Variants in NTM observed in about 807,000 individuals in gnomAD.
NTM encodes IgLON family member 2.
NTM carries 13 observed loss-of-function variants against 42.1 expected under a neutral mutation model. The observed-to-expected ratio is 0.31, with a 90% CI of 0.20 to 0.49. NTM has a LOEUF of 0.49. NTM is among the 20% of genes least tolerant of loss of function. The pLI is 0.99. For synonymous variants in NTM, 187 were observed against 179.2 expected, an observed-to-expected ratio of 1.04 and a Z score of -0.35; for missense variants, 373 against 452.8, an observed-to-expected ratio of 0.82 and a Z score of 1.60.
intron 2 of NTM, among the ~76,000 whole-genome samples, chr11:132,088,354 C>T (rs2059991563): frequency 6.6e-6 from 1 of 152,124 alleles, no homozygotes; most frequent in Non-Finnish European, 1.5e-5. Flanking sequence ...ACTTACCCTT[C>T]CTCATGTCCC....
At chr11:132,070,525 A>G (rs1313490878) in intron 2 of NTM, among the ~76,000 whole-genome samples, 7 of 121,002 alleles carry the variant, frequency 5.8e-5, no homozygotes, top group African/African-American at 9.6e-5. Flanking sequence ...CACACAGCCA[A>G]GTTAACACGT....
chr11:131,680,547 G>C (rs1404444743), intron 1 of NTM, among the ~76,000 whole-genome samples: 417 of 142,032 alleles, frequency 2.9e-3, no homozygotes, highest in African/African-American at 0.011. Flanking sequence ...GTCTGTGAGT[G>C]CCTGTGTGTG....
chr11:131,969,602 G>A (rs1438144482), intron 2 of NTM, among the ~76,000 whole-genome samples: 3 of 152,156 alleles, frequency 2.0e-5, no homozygotes, highest in African/African-American at 7.2e-5. Context: ...GGGTTTCATA[G>A]TTTGGGGTTT....
rs2091472553 is a variant in NTM, at chr11:131,795,669, T to A, written c.83-115895T>A. The stretch of plus-strand genomic sequence containing the variant: ...CCAGTACAGTGCCAGTGCCCATAAG[T>A]TCAGGGCGAACAGCAGATATTTACG... On this transcript the variant is annotated intron_variant, in intron 1 of 8. Coordinates refer to ENST00000683400, the MANE Select transcript of NTM (RefSeq NM_001352005.2). 8.1e-6 allele frequency: 8 copies of A among 985,232 alleles called. No homozygotes were observed. The South Asian group carries it at 1.9e-4, about 23-fold the overall frequency. 61.0% of individuals were successfully genotyped at this position (985,232 alleles called of 1,614,324 possible).
chr11:131,482,239 C>T (rs1953680999), intron 1 of NTM, among the ~76,000 whole-genome samples: 1 of 152,190 alleles, frequency 6.6e-6, no homozygotes, highest in African/African-American at 2.4e-5. Flanking sequence ...TTGCCACTCC[C>T]CCAGACAATG....
At chr11:131,442,813 G>T (rs1017482047) in intron 1 of NTM, among the ~76,000 whole-genome samples, 5 of 151,538 alleles carry the variant, frequency 3.3e-5, no homozygotes, top group African/African-American at 1.2e-4. Flanking sequence ...ATATATATGT[G>T]TGTGTATATA....
intron 1 of NTM, among the ~76,000 whole-genome samples, chr11:131,487,265 T>C (rs1253800892): frequency 1.3e-5 from 2 of 152,190 alleles, no homozygotes; most frequent in Non-Finnish European, 2.9e-5. Flanking sequence ...CTCTGGAGAA[T>C]ATAAAGGCCT....
chr11:132,140,720 C>T (rs527929251), intron 2 of NTM, among the ~76,000 whole-genome samples: 109 of 152,306 alleles, frequency 7.2e-4, no homozygotes, highest in African/African-American at 2.5e-3. Context: ...CCAGAGAACA[C>T]TTTCTCACAA....
chr11:131,617,036 G>A (rs1300373346), intron 1 of NTM, among the ~76,000 whole-genome samples: 1 of 152,152 alleles, frequency 6.6e-6, no homozygotes, highest in Non-Finnish European at 1.5e-5. Context: ...TGCATCTGGA[G>A]GGGGACACTG....
intron 1 of NTM, among the ~76,000 whole-genome samples, chr11:131,804,583 G>A (rs1009144116): frequency 9.9e-5 from 15 of 152,150 alleles, no homozygotes; most frequent in African/African-American, 2.9e-4. Flanking sequence ...TTGCTTACCC[G>A]ACACAGTCTT....
intron 1 of NTM, among the ~76,000 whole-genome samples, chr11:131,729,901 A>T (rs1053820809): frequency 6.7e-6 from 1 of 149,432 alleles, no homozygotes; most frequent in Non-Finnish European, 1.5e-5. Flanking sequence ...GCATCTATGA[A>T]CATTTACATA....
chr11:132,145,822 A>G (rs1276714595), intron 2 of NTM, among the ~76,000 whole-genome samples: 1 of 152,176 alleles, frequency 6.6e-6, no homozygotes, highest in Non-Finnish European at 1.5e-5. Flanking sequence ...GACTTGGAGA[A>G]CTAGTTTAGT....
At position 131,658,958 on chromosome 11, in the gene NTM, C is replaced by T. The variant is rs912443214; in HGVS notation, c.83-252606C>T. Among the ~76,000 whole-genome samples, 13 of 151,932 alleles carry T rather than the reference C, an allele frequency of 8.6e-5. No individual in the cohort carries two copies. The East Asian group carries it at 1.4e-3, about 16-fold the overall frequency. The stretch of plus-strand genomic sequence containing the variant: ...CTGCTCTCCAGCCTGGGTGACAGAG[C>T]GAGACTCCAAAAAGAAAAAAACAAA... On this transcript the variant is annotated intron_variant, in intron 1 of 8. Coordinates refer to ENST00000683400, the MANE Select transcript of NTM (RefSeq NM_001352005.2).
chr11:131,510,137 G>T (rs2048041870), intron 1 of NTM, among the ~76,000 whole-genome samples: 1 of 152,140 alleles, frequency 6.6e-6, no homozygotes, highest in African/African-American at 2.4e-5. Flanking sequence ...TTACATGCGG[G>T]ATGAAGCAAC....
chr11:132,129,416 T>C (rs1241902767), intron 2 of NTM, among the ~76,000 whole-genome samples: 8 of 152,192 alleles, frequency 5.3e-5, no homozygotes, highest in Admixed American at 3.9e-4. Context: ...GAGCCCTGAG[T>C]TGAGGTCTTG....
chr11:132,180,200 T>A (rs2077363177), intron 3 of NTM, among the ~76,000 whole-genome samples: 1 of 152,154 alleles, frequency 6.6e-6, no homozygotes, highest in African/African-American at 2.4e-5. Flanking sequence ...TTACATAATT[T>A]GTGAAAAGAT....
At chr11:131,457,079 T>C (rs1950965947) in intron 1 of NTM, among the ~76,000 whole-genome samples, 1 of 152,238 alleles carries the variant, frequency 6.6e-6, no homozygotes, top group Admixed American at 6.5e-5. Flanking sequence ...CTATCAAGCA[T>C]ACTTTCTGTG....
chr11:131,940,669 G>A (rs1446838362), intron 2 of NTM, among the ~76,000 whole-genome samples: 1 of 152,108 alleles, frequency 6.6e-6, no homozygotes, highest in Non-Finnish European at 1.5e-5. Context: ...GTGACTTTTG[G>A]GATGAGACTG....
In NTM at chr11:131,622,056, G is replaced by A. The variant is rs910524150; in HGVS notation, c.82+251168G>A. On this transcript the variant is annotated intron_variant, in intron 1 of 8. Transcript: ENST00000683400. ...GGTCCCGTGGCTGTGGTCCAGGCAG[G>A]CCCACACTGGAGAAATGTGTGGGCA... Among the ~76,000 whole-genome samples the A allele has an allele frequency of 2.6e-5, 4 of 152,210 alleles. No homozygotes were observed. In the East Asian group the frequency reaches 7.7e-4, roughly 29 times the overall value.
Sources: allele counts gnomAD v4.1 joint callset (sites outside exome capture counted in the v4.1 genomes callset), GRCh38; gene constraint gnomAD v4.1.1; transcripts MANE v1.5; gene names NCBI Gene and HGNC (gene_info 2026-07-23, HGNC 2026-07-21).